The following DNAH5 variants were observed in gnomAD, a reference collection of about 807,000 sequenced individuals.
DNAH5 encodes the protein dynein axonemal heavy chain 5.
Under a neutral mutation model 518.2 loss-of-function variants are expected in DNAH5, and 372 were observed. That is an observed-to-expected ratio of 0.72 (90% CI 0.66 to 0.78). The LOEUF is 0.78. Among genes scored for constraint, DNAH5 ranks in the 30% least tolerant of loss-of-function variants. The probability of loss-of-function intolerance (pLI) is 0.00; values close to 1 mark genes in which losing one functional copy is unlikely to be tolerated. For synonymous variants in DNAH5, 2,039 were observed against 2,025.9 expected, an observed-to-expected ratio of 1.01 and a Z score of -0.17; for missense variants, 5,523 against 5,687.0, an observed-to-expected ratio of 0.97 and a Z score of 0.93.
intron 1 of DNAH5, among the ~76,000 whole-genome samples, chr5:13,968,724 T>A (rs1023257633): frequency 6.6e-6 from 1 of 152,222 alleles, no homozygotes; most frequent in Non-Finnish European, 1.5e-5. Flanking sequence ...GGTAGTATTT[T>A]GTTACAGATT....
At chr5:13,939,856 C>T (rs1007812490) in intron 1 of DNAH5, among the ~76,000 whole-genome samples, 2 of 152,142 alleles carry the variant, frequency 1.3e-5, no homozygotes, top group Admixed American at 6.6e-5. Context: ...AGAGATGACA[C>T]GCTGGCTAAT....
Position 13,841,943 on chromosome 5 carries a change from A to T in DNAH5, c.5272-39T>A, listed in dbSNP as rs1910089. 347,252 of 1,053,576 alleles carry T rather than the reference A, an allele frequency of 0.33. 67,579 individuals are homozygous for T. Among genetic ancestry groups the T allele is most frequent in the East Asian group, 0.56 (23,076 of 40,960 alleles). The allele number at this position is 1,053,576 out of a possible 1,614,324, so 65.3% of individuals were successfully genotyped here. ...CAAAAAAAAAAAAAAAAAAAGCTAT[A>T]GTCATATAAAAAGTAAAAACTAATT... On this transcript the variant is annotated intron_variant, in intron 32 of 78. Coordinates refer to ENST00000265104, the MANE Select transcript of DNAH5 (RefSeq NM_001369.3).
rs776396013 is a variant in DNAH5 at position 13,867,974 on chromosome 5, T to C, written c.3853A>G (p.Asn1285Asp). ...CTTGCTATCAGAAGTCCATATCTGT[T>C]AAGCAGGGCATAAGATTCCTAAAAA... ...GPIEESYALL[N>D]RYGLLIAREE... Residue 1285 changes from asparagine to aspartate, a missense_variant, in exon 25 of 79, where the codon AAC becomes GAC. Asn to Asp is a conservative substitution (Grantham distance 23). Around this residue, in one of 3 missense-constraint regions of DNAH5, gnomAD observed 5,121 missense variants for 5,223.3 expected, o/e 0.98. Coordinates refer to ENST00000265104, the MANE Select transcript of DNAH5 (RefSeq NM_001369.3). 3 of 1,611,676 alleles carry C rather than the reference T, an allele frequency of 1.9e-6. No homozygotes were observed. The highest frequency in any genetic ancestry group is 2.5e-6 in the Non-Finnish European group (3 of 1,179,250).
chr5:13,999,032 C>T (rs1481848856), intron 1 of DNAH5, among the ~76,000 whole-genome samples: 2 of 152,116 alleles, frequency 1.3e-5, no homozygotes, highest in African/African-American at 4.8e-5. Context: ...CCACCATGCC[C>T]AGCTAATTTT....
intron 31 of DNAH5, among the ~76,000 whole-genome samples, chr5:13,846,705 G>C (rs900323461): frequency 6.6e-6 from 1 of 152,118 alleles, no homozygotes; most frequent in Non-Finnish European, 1.5e-5. Context: ...GATAAGCCTG[G>C]GCATGTGGGT....
chr5:13,834,402 GT>G (rs1162943830), intron 35 of DNAH5, among the ~76,000 whole-genome samples: 1 of 152,078 alleles, frequency 6.6e-6, no homozygotes. Context: ...AAATAGAAAA[GT>G]TTTCCCTCCC....
At position 13,919,361 on chromosome 5, in the gene DNAH5, G is replaced by A; in HGVS notation, c.799-9C>T. On this transcript the variant is annotated splice_polypyrimidine_tract_variant and intron_variant, in intron 6 of 78. Coordinates refer to ENST00000265104, the MANE Select transcript of DNAH5 (RefSeq NM_001369.3). Reference sequence around the variant, plus strand: ...TTGTTTTCAGCAAGAACCTGCAAATGCGCGGGGAAAAACACGAGCCATTGC... The same window carrying A: ...TTGTTTTCAGCAAGAACCTGCAAATACGCGGGGAAAAACACGAGCCATTGC... The A allele has an allele frequency of 6.2e-7, 1 of 1,613,274 alleles. No homozygotes were observed.
intron 32 of DNAH5, 29 bp downstream of exon 32, chr5:13,844,808 T>C: frequency 6.2e-7 from 1 of 1,614,084 alleles, no homozygotes; most frequent in South Asian, 1.1e-5. Context: ...GTACGGTGAT[T>C]GTTGGCCTGC....
chr5:13,946,289 T>C (rs956229848), upstream of DNAH5, among the ~76,000 whole-genome samples: 1 of 152,168 alleles, frequency 6.6e-6, no homozygotes, highest in African/African-American at 2.4e-5. Flanking sequence ...ATGGCATGCA[T>C]TTTGTGTTTG....
At chr5:13,968,880 A>G (rs115459342) in intron 1 of DNAH5, among the ~76,000 whole-genome samples, 3,096 of 152,210 alleles carry the variant, frequency 0.02, 101 homozygotes, top group African/African-American at 0.07. Flanking sequence ...AATAGTGTCG[A>G]TAGGATTGAT....
chr5:13,753,580 C>A, intron 62 of DNAH5, 31 bp from the exon 63 acceptor site: 1 of 1,563,966 alleles, frequency 6.4e-7, no homozygotes, highest in Non-Finnish European at 8.8e-7. Context: ...CATTGAAATA[C>A]TTTACGTTCA....
At position 13,913,607 on chromosome 5, in the gene DNAH5, G is replaced by T. The variant is rs555660607; in HGVS notation, c.1536+136C>A. The T allele has an allele frequency of 3.5e-5, 37 of 1,042,332 alleles. No individual in the cohort carries two copies. The African/African-American group carries it at 4.4e-4, about 12-fold the overall frequency. The allele number at this position is 1,042,332 out of a possible 1,614,324, so 64.6% of individuals were successfully genotyped here. On this transcript the variant is annotated intron_variant, in intron 11 of 78. Transcript: ENST00000265104. ...CTCAAACAAATCTAATTTCTTTATT[G>T]TTAAAAGGCCATGAGATTATTTATA... is the stretch of plus-strand genomic sequence containing the variant.
chr5:13,770,991 T>C lies in DNAH5; in HGVS notation c.9374-11A>G. On this transcript the variant is annotated splice_polypyrimidine_tract_variant and intron_variant, in intron 55 of 78. Transcript: ENST00000265104. ...GGAAGTGTTCAGACACTAGAGAGAA[T>C]AAAGATGACAGTGTGTGAAATATGT... 6.3e-7 allele frequency: 1 copy of C among 1,585,520 alleles called. No individual in the cohort carries two copies. Among genetic ancestry groups the C allele is most frequent in the Non-Finnish European group, 8.7e-7 (1 of 1,154,422 alleles).
intron 76 of DNAH5, among the ~76,000 whole-genome samples, chr5:13,706,266 T>C (rs902176184): frequency 6.6e-6 from 1 of 152,242 alleles, no homozygotes; most frequent in African/African-American, 2.4e-5. Context: ...ATTTCTGTCT[T>C]GATTTCCCCC....
rs1771821785 is a variant in DNAH5, at chr5:13,882,591, G to A, written c.3262+137C>T. The A allele has an allele frequency of 1.1e-5, 8 of 724,256 alleles. No homozygotes were observed. In the South Asian group the frequency reaches 1.2e-4, roughly 11 times the overall value. The allele number at this position is 724,256 out of a possible 1,614,324, so 44.9% of individuals were successfully genotyped here. On this transcript the variant is annotated intron_variant, in intron 21 of 78. Transcript: ENST00000265104. Reference sequence around the variant, plus strand: ...TAAAATACGTGGACCTTGATATTTTGTCAACTTCAAATTGGCTCATAGATT... The same window carrying A: ...TAAAATACGTGGACCTTGATATTTTATCAACTTCAAATTGGCTCATAGATT...
Position 13,865,852 on chromosome 5 carries a change from G to C in DNAH5, c.4171C>G (p.Leu1391Val), listed in dbSNP as rs1000047685. Residue 1391 changes from leucine to valine, a missense_variant, in exon 27 of 79, where the codon CTT becomes GTT. Coordinates refer to ENST00000265104, the MANE Select transcript of DNAH5 (RefSeq NM_001369.3). ...KYITYTGGEE[L>V]FGLPATQYPQ... ...TACTGTGTAGCTGGCAGGCCAAAAA[G>C]CTCCTCTCCTCCAGTATATGTGATG... 1.2e-6 allele frequency: 2 copies of C among 1,613,330 alleles called. No homozygotes were observed. Among genetic ancestry groups the C allele is most frequent in the South Asian group, 2.2e-5 (2 of 91,010 alleles).
At chr5:13,736,861 C>T (rs1436853543) in intron 66 of DNAH5, among the ~76,000 whole-genome samples, 1 of 152,194 alleles carries the variant, frequency 6.6e-6, no homozygotes, top group Non-Finnish European at 1.5e-5. Flanking sequence ...GACCACAGAA[C>T]TACCTTCCTA....
At chr5:13,953,838 G>A (rs1780588741) in intron 1 of DNAH5, among the ~76,000 whole-genome samples, 1 of 152,100 alleles carries the variant, frequency 6.6e-6, no homozygotes, top group Non-Finnish European at 1.5e-5. Context: ...CTCCCAAGCA[G>A]CTAGGATTAC....
chr5:13,964,931 C>T (rs1309349258), intron 1 of DNAH5, among the ~76,000 whole-genome samples: 1 of 152,196 alleles, frequency 6.6e-6, no homozygotes, highest in African/African-American at 2.4e-5. Context: ...GATAGTAATA[C>T]CTTCAATGTC....
Sources: gnomAD v4.1 joint callset for allele counts (sites outside exome capture counted in the v4.1 genomes callset) on GRCh38, gnomAD v4.1.1 for gene constraint, gnomAD v4.1.1 regional missense constraint, MANE v1.5 for transcripts, NCBI Gene and HGNC (gene_info 2026-07-23, HGNC 2026-07-21) for gene names.